The following ADAP1 variants were observed in gnomAD, a reference collection of about 807,000 sequenced individuals.
ADAP1 encodes the protein arf-GAP with dual PH domain-containing protein 1.
Under a neutral mutation model 54.9 loss-of-function variants are expected in ADAP1, and 31 were observed. The ratio of observed to expected loss-of-function variants is 0.56; its 90% confidence interval spans 0.42 to 0.76. The LOEUF (loss-of-function observed/expected upper bound fraction) is 0.76, where lower values mean the gene tolerates loss of function less well. Among genes scored for constraint, ADAP1 ranks in the 30% least tolerant of loss-of-function variants. The pLI is 0.00. For synonymous variants in ADAP1, 313 were observed against 202.6 expected (o/e 1.55, Z -4.63); for missense variants, 535 against 512.4 (o/e 1.04, Z -0.42).
At chr7:904,865 G>A (rs973590363) in intron 5 of ADAP1, among the ~76,000 whole-genome samples, 195 bp downstream of exon 5, 2 of 152,228 alleles carry the variant, frequency 1.3e-5, no homozygotes, top group African/African-American at 2.4e-5. Context: ...AGCCTCAGCT[G>A]CCCCACCCTG....
intron 4 of ADAP1, among the ~76,000 whole-genome samples, chr7:909,422 A>G (rs1254768313): frequency 7.3e-6 from 1 of 137,912 alleles, no homozygotes; most frequent in Non-Finnish European, 1.5e-5. Flanking sequence ...CGCCAGCGGG[A>G]ACCCCGGTCC....
chr7:945,282 C>T lies in ADAP1; in HGVS notation c.82+9114G>A, dbSNP rs1201945032. Among the ~76,000 whole-genome samples, 1 of 152,222 alleles carries T rather than the reference C, an allele frequency of 6.6e-6. No individual in the cohort carries two copies. The highest frequency in any genetic ancestry group is 1.5e-5 in the Non-Finnish European group (1 of 68,040). On this transcript the variant is annotated intron_variant, in intron 1 of 10. Coordinates refer to ENST00000265846, the MANE Select transcript of ADAP1 (RefSeq NM_006869.4). This position sits in a 1 kb window ranked among gnomAD's most constrained non-coding sequence, Gnocchi z 4.2. The stretch of plus-strand genomic sequence containing the variant: ...TCGGAGCGAAAAGGGGCGGGGCACG[C>T]ACTCTCAGAGACCCTCCAGGGTGGA...
In ADAP1 at chr7:905,147, C is replaced by T; in HGVS notation, c.414G>A (p.Lys138=). The stretch of plus-strand genomic sequence containing the variant: ...AAAACTGCCCGTTGTCCCGGCCACG[C>T]TTCCAGAGAAAACCCTCACGGTACC... ...SAGYREGFLW[K]RGRDNGQFLS... is the part of the protein sequence containing the mutation. Residue 138 remains lysine, a synonymous_variant, in exon 5 of 11, where the codon AAG becomes AAA. Coordinates refer to ENST00000265846, the MANE Select transcript of ADAP1 (RefSeq NM_006869.4). The T allele has an allele frequency of 6.2e-7, 1 of 1,612,254 alleles. No individual in the cohort carries two copies. The highest frequency in any genetic ancestry group is 8.5e-7 in the Non-Finnish European group (1 of 1,179,864).
intron 2 of ADAP1, among the ~76,000 whole-genome samples, chr7:929,022 G>A (rs188222364): frequency 3.2e-4 from 49 of 152,312 alleles, no homozygotes; most frequent in African/African-American, 8.7e-4. Context: ...GGCCGGGCGC[G>A]GGGGCTCACG....
chr7:903,052 C>A (rs1181635387), intron 6 of ADAP1, among the ~76,000 whole-genome samples: 1 of 152,158 alleles, frequency 6.6e-6, no homozygotes, highest in Non-Finnish European at 1.5e-5. Context: ...CACCCAGGAA[C>A]CAGATGAGGC....
In ADAP1 at chr7:905,133, T is replaced by A; in HGVS notation, c.428A>T (p.Asn143Ile). Residue 143 changes from asparagine to isoleucine, a missense_variant, in exon 5 of 11, where the codon AAC (asparagine) becomes ATC (isoleucine). Coordinates refer to ENST00000265846, the MANE Select transcript of ADAP1 (RefSeq NM_006869.4). Reference sequence around the variant, plus strand: ...AAACTTCCGGCTCAAAAACTGCCCGTTGTCCCGGCCACGCTTCCAGAGAAA... The same window carrying A: ...AAACTTCCGGCTCAAAAACTGCCCGATGTCCCGGCCACGCTTCCAGAGAAA... ...EGFLWKRGRD[N>I]GQFLSRKFVL... 1.2e-6 allele frequency: 2 copies of A among 1,612,380 alleles called. No homozygotes were observed. Among genetic ancestry groups the A allele is most frequent in the Middle Eastern group, 1.7e-4 (1 of 6,060 alleles).
intron 4 of ADAP1, among the ~76,000 whole-genome samples, chr7:914,799 C>A (rs1165532981): frequency 1.3e-5 from 2 of 151,904 alleles, no homozygotes; most frequent in African/African-American, 4.9e-5. Flanking sequence ...GCCTGGAGCA[C>A]AGACAGTCAC....
intron 6 of ADAP1, 80 bp downstream of exon 6, chr7:904,046 G>A: frequency 3.2e-6 from 5 of 1,582,630 alleles, no homozygotes; most frequent in Middle Eastern, 2.3e-4. Context: ...TACCGTCCAA[G>A]CACCCACCTT....
At chr7:954,950 C>A (rs1376800585), upstream of ADAP1, among the ~76,000 whole-genome samples, 1 of 152,106 alleles carries the variant, frequency 6.6e-6, no homozygotes, top group South Asian at 2.1e-4. Flanking sequence ...AGCCTGCACA[C>A]CTACTGTGGG....
intron 2 of ADAP1, among the ~76,000 whole-genome samples, chr7:931,098 G>A (rs550179836): frequency 1.4e-4 from 21 of 151,556 alleles, no homozygotes; most frequent in African/African-American, 4.4e-4. Flanking sequence ...AAGGAAGGAC[G>A]GAGGGACGGA....
chr7:905,596 GAAAGGAGAAAGGAGAAAGGAGA>G, intron 4 of ADAP1: 2 of 39,704 alleles, frequency 5.0e-5, no homozygotes, highest in African/African-American at 1.5e-4. Flanking sequence ...GGAGAAAGGA[GAAAGGAGAAAGGAGAAAGGAGA>G]AAGGGAAAGG....
intron 6 of ADAP1, 91 bp from the exon 7 acceptor site, chr7:900,707 T>G (rs931878071): frequency 1.2e-6 from 1 of 868,726 alleles, no homozygotes; most frequent in Admixed American, 2.8e-5. Flanking sequence ...GAGGGGCCGC[T>G]TCCCCCAGAG....
At chr7:921,911 C>A (rs556599850) in intron 3 of ADAP1, among the ~76,000 whole-genome samples, 24 of 152,296 alleles carry the variant, frequency 1.6e-4, no homozygotes, top group African/African-American at 5.8e-4. Flanking sequence ...ACAGGGTCGG[C>A]AGCCCTGCCC....
In ADAP1 at chr7:898,830, G is replaced by A. The variant is rs1844632933; in HGVS notation, c.*91C>T. The stretch of plus-strand genomic sequence containing the variant: ...TGCCCTGAGGAGCAGGTGGGGCCAG[G>A]TGGCCTCAGGACGCCAGAGCCCCCC... On this transcript the variant is annotated 3_prime_UTR_variant, in exon 11 of 11. Coordinates refer to ENST00000265846, the MANE Select transcript of ADAP1 (RefSeq NM_006869.4). 1.3e-6 allele frequency: 2 copies of A among 1,521,912 alleles called. No individual in the cohort carries two copies. Among genetic ancestry groups the A allele is most frequent in the East Asian group, 2.5e-5 (1 of 40,752 alleles). 94.3% of individuals were successfully genotyped at this position (1,521,912 alleles called of 1,614,324 possible). A position where few individuals can be genotyped will look rare whatever the true frequency, so the allele number is the denominator to read the frequency against.
At chr7:912,241 CCG>C (rs2128101366) in intron 4 of ADAP1, among the ~76,000 whole-genome samples, 1 of 152,270 alleles carries the variant, frequency 6.6e-6, no homozygotes, top group African/African-American at 2.4e-5. Flanking sequence ...GCAGGAAGCC[CCG>C]CGTCTCAGCG....
At position 926,963 on chromosome 7, in the gene ADAP1, G is replaced by A. The variant is rs1053010443; in HGVS notation, c.214-319C>T. 8.0e-7 allele frequency: 1 copy of A among 1,256,350 alleles called. No homozygotes were observed. The highest frequency in any genetic ancestry group is 1.6e-5 in the African/African-American group (1 of 64,190). The allele number at this position is 1,256,350 out of a possible 1,614,324, so 77.8% of individuals were successfully genotyped here. On this transcript the variant is annotated intron_variant, in intron 2 of 10. Coordinates refer to ENST00000265846, the MANE Select transcript of ADAP1 (RefSeq NM_006869.4). The surrounding 1 kb of genome is among the most constrained non-coding windows in gnomAD (Gnocchi z 4.6). ...CAACCCCCAAGTCCACCCACACCGGGTGTCCCGTGGGAGAGAGCTGGCTGC... is the reference window on the plus strand; with the variant it reads ...CAACCCCCAAGTCCACCCACACCGGATGTCCCGTGGGAGAGAGCTGGCTGC...
chr7:900,798 G>A (rs559870260), intron 6 of ADAP1, 182 bp from the exon 7 acceptor site: 33 of 653,816 alleles, frequency 5.0e-5, no homozygotes, highest in East Asian at 1.7e-4. Context: ...CGCTGAGGCC[G>A]GGGCTGCTAC....
chr7:914,221 T>C (rs1316367627), intron 4 of ADAP1, among the ~76,000 whole-genome samples: 1 of 152,228 alleles, frequency 6.6e-6, no homozygotes, highest in Non-Finnish European at 1.5e-5. Flanking sequence ...GGGAGCCACC[T>C]GGCCCAGGCC....
intron 6 of ADAP1, among the ~76,000 whole-genome samples, chr7:903,625 C>A (rs1004346412): frequency 6.6e-6 from 1 of 152,096 alleles, no homozygotes; most frequent in African/African-American, 2.4e-5. Flanking sequence ...TACCTGGGTT[C>A]CCCCCAAGCC....
Sources: allele counts gnomAD v4.1 joint callset (sites outside exome capture counted in the v4.1 genomes callset), GRCh38; gene constraint gnomAD v4.1.1; non-coding constraint Gnocchi (gnomAD v3.1); transcripts MANE v1.5; gene names NCBI Gene and HGNC (gene_info 2026-07-23, HGNC 2026-07-21).